The following NEK11 variants were observed in gnomAD, a reference collection of about 807,000 sequenced individuals.
NEK11 encodes the protein NIMA related kinase 11.
Under a neutral mutation model 80.7 loss-of-function variants are expected in NEK11, and 72 were observed. That is an observed-to-expected ratio of 0.89 (90% CI 0.74 to 1.08). The LOEUF (loss-of-function observed/expected upper bound fraction) is 1.08, where lower values mean the gene tolerates loss of function less well. Ranked by LOEUF, NEK11 falls within the 50% of genes least tolerant of loss-of-function variation. The probability of loss-of-function intolerance (pLI) is 0.00; values close to 1 mark genes in which losing one functional copy is unlikely to be tolerated. For synonymous variants in NEK11, 251 were observed against 260.7 expected, an observed-to-expected ratio of 0.96 and a Z score of 0.36; for missense variants, 764 against 763.6, an observed-to-expected ratio of 1.00 and a Z score of -0.01.
chr3:131,203,286 G>A (rs2094312253), intron 14 of NEK11, among the ~76,000 whole-genome samples: 1 of 151,898 alleles, frequency 6.6e-6, no homozygotes, highest in Non-Finnish European at 1.5e-5. Context: ...GTAGGGACAT[G>A]GATGAAGCTG....
chr3:131,207,017 T>C (rs961487821), intron 14 of NEK11, among the ~76,000 whole-genome samples: 6 of 152,220 alleles, frequency 3.9e-5, no homozygotes, highest in Non-Finnish European at 7.3e-5. Flanking sequence ...TATGGCTGCA[T>C]AGTATTCCAT....
At chr3:131,204,505 G>GTC (rs1322607903) in intron 14 of NEK11, among the ~76,000 whole-genome samples, 2 of 152,116 alleles carry the variant, frequency 1.3e-5, no homozygotes, top group African/African-American at 4.8e-5. Context: ...GTCATAGATA[G>GTC]ATATTGTAGA....
chr3:131,340,041 A>G (rs1161928326), intron 17 of NEK11, among the ~76,000 whole-genome samples: 1 of 152,260 alleles, frequency 6.6e-6, no homozygotes, highest in African/African-American at 2.4e-5. Context: ...AATGGAACTC[A>G]TGATTATTTT....
At chr3:131,195,818 AT>A (rs893015506) in intron 14 of NEK11, among the ~76,000 whole-genome samples, 9 of 146,878 alleles carry the variant, frequency 6.1e-5, no homozygotes, top group African/African-American at 1.7e-4. Flanking sequence ...ATATATATAT[AT>A]AAAATTGAAG....
At chr3:131,052,326 A>G (rs898046269) in intron 3 of NEK11, among the ~76,000 whole-genome samples, 1 of 152,028 alleles carries the variant, frequency 6.6e-6, no homozygotes, top group Non-Finnish European at 1.5e-5. Context: ...TTTTCTTATT[A>G]AAAATATCAC....
At chr3:131,123,502 G>T (rs918741772) in intron 5 of NEK11, among the ~76,000 whole-genome samples, 14 of 152,162 alleles carry the variant, frequency 9.2e-5, no homozygotes, top group African/African-American at 3.1e-4. Context: ...CAAATAGCTT[G>T]ATACCTGGTT....
intron 3 of NEK11, among the ~76,000 whole-genome samples, chr3:131,046,644 C>T (rs2067438458): frequency 6.6e-6 from 1 of 151,520 alleles, no homozygotes; most frequent in South Asian, 2.1e-4. Flanking sequence ...AGGTTTGTTA[C>T]ATAAGTATAC....
At chr3:131,330,103 T>G (rs2097050523) in intron 17 of NEK11, 1 of 152,100 alleles carries the variant, frequency 6.6e-6, no homozygotes, top group African/African-American at 2.4e-5. Flanking sequence ...CTAGTTACAT[T>G]TTAAAAATGG....
At chr3:131,097,996 T>C (rs1317848594) in intron 4 of NEK11, among the ~76,000 whole-genome samples, 5 of 144,916 alleles carry the variant, frequency 3.5e-5, no homozygotes, top group South Asian at 4.5e-4. Context: ...TCAGAAATAA[T>C]GCCGCATATC....
chr3:131,196,845 T>C (rs1438367220), intron 14 of NEK11, among the ~76,000 whole-genome samples: 3 of 148,010 alleles, frequency 2.0e-5, no homozygotes, highest in South Asian at 2.1e-4. Context: ...TCTTTTCTTT[T>C]CTTTTTTTTT....
chr3:131,202,647 A>G (rs1027394972), intron 14 of NEK11, among the ~76,000 whole-genome samples: 13 of 152,236 alleles, frequency 8.5e-5, no homozygotes, highest in African/African-American at 1.9e-4. Flanking sequence ...GGCAACCTAC[A>G]GAATGGGAGA....
chr3:131,242,698 G>A (rs972488585), intron 15 of NEK11, among the ~76,000 whole-genome samples: 8 of 152,132 alleles, frequency 5.3e-5, no homozygotes, highest in African/African-American at 1.4e-4. Flanking sequence ...GATTACAGGC[G>A]TGAGCCACTG....
intron 4 of NEK11, among the ~76,000 whole-genome samples, chr3:131,100,622 T>C (rs888776872): frequency 6.6e-6 from 1 of 152,240 alleles, no homozygotes; most frequent in Non-Finnish European, 1.5e-5. Context: ...AACTTTTTGC[T>C]GTGCTACTGG....
intron 17 of NEK11, among the ~76,000 whole-genome samples, chr3:131,345,532 A>T (rs2097349843): frequency 1.3e-5 from 2 of 152,204 alleles, no homozygotes; most frequent in Non-Finnish European, 2.9e-5. Context: ...CAAAAAGAAG[A>T]AATAACAAAT....
intron 4 of NEK11, among the ~76,000 whole-genome samples, chr3:131,106,177 A>AT (rs1159772386): frequency 5.3e-5 from 8 of 151,788 alleles, no homozygotes; most frequent in East Asian, 1.9e-4. Flanking sequence ...TTTATAATAC[A>AT]TTTTTTTCAA....
chr3:131,263,429 T>A (rs1417663634), intron 16 of NEK11, among the ~76,000 whole-genome samples: 1 of 152,194 alleles, frequency 6.6e-6, no homozygotes, highest in Non-Finnish European at 1.5e-5. Context: ...GGTCTATATA[T>A]CTGTTTTGGT....
At chr3:131,171,125 G>A (rs993243908) in intron 14 of NEK11, among the ~76,000 whole-genome samples, 1 of 152,186 alleles carries the variant, frequency 6.6e-6, no homozygotes, top group Non-Finnish European at 1.5e-5. Context: ...CCTGGTGAGA[G>A]ACCTCTTCTG....
chr3:131,078,444 G>A (rs115070188), intron 3 of NEK11, among the ~76,000 whole-genome samples: 13 of 152,164 alleles, frequency 8.5e-5, no homozygotes, highest in Non-Finnish European at 1.3e-4. Flanking sequence ...GAATTGTAAC[G>A]AGTTTTTAAT....
At chr3:131,342,264 C>T (rs2097298074) in intron 17 of NEK11, among the ~76,000 whole-genome samples, 1 of 152,206 alleles carries the variant, frequency 6.6e-6, no homozygotes, top group Non-Finnish European at 1.5e-5. Flanking sequence ...TTTTAAACCT[C>T]TTTCTGTAAA....
Sources: allele counts gnomAD v4.1 joint callset (sites outside exome capture counted in the v4.1 genomes callset), GRCh38; gene constraint gnomAD v4.1.1; transcripts MANE v1.5; gene names NCBI Gene and HGNC (gene_info 2026-07-23, HGNC 2026-07-21).